NPHP4: variants seen among roughly 807,000 people sequenced by gnomAD.
NPHP4 encodes nephrocystin 4.
In NPHP4, 151 loss-of-function variants were observed where a neutral mutation model predicts 155.8. That is an observed-to-expected ratio of 0.97 (90% CI 0.85 to 1.11). NPHP4 has a LOEUF of 1.11. Among genes scored for constraint, NPHP4 ranks in the 50% least tolerant of loss-of-function variants. The pLI, the probability that NPHP4 is intolerant of heterozygous loss-of-function variation, is 0.00. For synonymous variants in NPHP4, 845 were observed against 816.8 expected (o/e 1.03, Z -0.59); for missense variants, 1,956 against 1,925.7 (o/e 1.02, Z -0.29).
At chr1:5,865,557 TCAAA>T in intron 26 of NPHP4, 1 of 369,076 alleles carries the variant, frequency 2.7e-6, no homozygotes, top group Non-Finnish European at 4.9e-6. Context: ...GAACCACATG[TCAAA>T]CAAATGACAA....
intron 11 of NPHP4, among the ~76,000 whole-genome samples, chr1:5,909,571 G>A (rs552345136): frequency 1.3e-5 from 2 of 152,298 alleles, no homozygotes; most frequent in South Asian, 2.1e-4. Context: ...TGGGGTCTGA[G>A]GTTGCCCCAG....
At chr1:5,891,139 A>T (rs1644104736) in intron 16 of NPHP4, 111 bp from the exon 17 acceptor site, 1 of 660,238 alleles carries the variant, frequency 1.5e-6, no homozygotes, top group African/African-American at 1.8e-5. Context: ...CTTCTGTCAT[A>T]GCTACAGTTA....
chr1:5,951,534 C>A (rs1022334378), intron 7 of NPHP4, among the ~76,000 whole-genome samples: 4 of 152,172 alleles, frequency 2.6e-5, no homozygotes, highest in Non-Finnish European at 5.9e-5. Flanking sequence ...ATCTGGTGAT[C>A]ATCAGCAAAG....
chr1:5,982,934 C>G (rs535089930), intron 2 of NPHP4, among the ~76,000 whole-genome samples: 2 of 152,290 alleles, frequency 1.3e-5, no homozygotes, highest in East Asian at 3.9e-4. Flanking sequence ...AATGGCCCAG[C>G]ATACGGTCTA....
intron 1 of NPHP4, among the ~76,000 whole-genome samples, 189 bp downstream of exon 1, chr1:5,992,055 G>A (rs1056986891): frequency 1.3e-5 from 2 of 152,118 alleles, no homozygotes; most frequent in Non-Finnish European, 2.9e-5. Context: ...GACTAACGCG[G>A]GGACAGCCCC....
At chr1:5,885,619 G>A (rs1394510356) in intron 18 of NPHP4, among the ~76,000 whole-genome samples, 1 of 152,260 alleles carries the variant, frequency 6.6e-6, no homozygotes, top group Non-Finnish European at 1.5e-5. Context: ...CCATGGCACA[G>A]GTTTCCTTGC....
chr1:5,984,584 CATTTTAAA>C (rs1368788690), intron 2 of NPHP4, among the ~76,000 whole-genome samples: 1 of 152,020 alleles, frequency 6.6e-6, no homozygotes, highest in Non-Finnish European at 1.5e-5. Context: ...GTACCATTTG[CATTTTAAA>C]AAGGAAAAAT....
intron 3 of NPHP4, among the ~76,000 whole-genome samples, chr1:5,977,567 G>GTTAGGTGAGCGCCA (rs1653843230): frequency 6.6e-6 from 1 of 151,776 alleles, no homozygotes; most frequent in African/African-American, 2.4e-5. Context: ...CTGCAGTTCT[G>GTTAGGTGAGCGCCA]TTAGGTGAGC....
intron 5 of NPHP4, among the ~76,000 whole-genome samples, chr1:5,962,946 A>T (rs1650631968): frequency 6.6e-6 from 1 of 152,190 alleles, no homozygotes; most frequent in Admixed American, 6.5e-5. Context: ...AGTGACAGGA[A>T]GTCCACCACA....
At position 5,969,068 on chromosome 1, in the gene NPHP4, G is replaced by T; in HGVS notation, c.452+19C>A. 3.4e-6 allele frequency: 5 copies of T among 1,486,100 alleles called. No individual in the cohort carries two copies. Among genetic ancestry groups the T allele is most frequent in the Non-Finnish European group, 4.6e-6 (5 of 1,090,296 alleles). 92.1% of individuals were successfully genotyped at this position (1,486,100 alleles called of 1,614,324 possible). A position where few individuals can be genotyped will look rare whatever the true frequency, so the allele number is the denominator to read the frequency against. On this transcript the variant is annotated intron_variant, in intron 4 of 29. Transcript: ENST00000378156. ...ACAGACGCTGGAAAACCCCAGGGTT[G>T]TAGAAACAAGGCAGGTACCTTTTGT...
rs776086986 is a variant in NPHP4 at position 5,864,391 on chromosome 1, G to A, written c.3943C>T (p.Leu1315=). 1.2e-6 allele frequency: 2 copies of A among 1,611,608 alleles called. No homozygotes were observed. The highest frequency in any genetic ancestry group is 1.7e-6 in the Non-Finnish European group (2 of 1,179,162). ...AGGCACACGAGCCAGGAGGCCACCA[G>A]CTGGTGGCAATCCACGTCCACCAGG... ...LNLVDVDCHQ[L]VASWLVCLCC... The change falls in exon 28 of 30, where the codon CTG becomes TTG. Residue 1315 remains leucine, a synonymous_variant. Coordinates refer to ENST00000378156, the MANE Select transcript of NPHP4 (RefSeq NM_015102.5).
intron 23 of NPHP4, chr1:5,868,377 G>C (rs556381525): frequency 7.9e-6 from 2 of 251,592 alleles, no homozygotes; most frequent in African/African-American, 4.5e-5. Flanking sequence ...TAAACCAAAG[G>C]GGTTAGAAAT....
At chr1:5,928,334 C>T (rs1371420588) in intron 10 of NPHP4, among the ~76,000 whole-genome samples, 1 of 152,216 alleles carries the variant, frequency 6.6e-6, no homozygotes, top group Admixed American at 6.5e-5. Context: ...TTGAGACCAG[C>T]TTCTTTCATT....
chr1:5,894,140 G>A (rs1274881249), intron 16 of NPHP4, among the ~76,000 whole-genome samples: 1 of 152,070 alleles, frequency 6.6e-6, no homozygotes, highest in Non-Finnish European at 1.5e-5. Context: ...TCGTTCTCTT[G>A]CCTCAGCACC....
chr1:5,935,980 C>T (rs1646517679), intron 9 of NPHP4, among the ~76,000 whole-genome samples: 1 of 152,174 alleles, frequency 6.6e-6, no homozygotes. Flanking sequence ...TTATAAAATA[C>T]AGAAGTGTAT....
At chr1:5,928,163 T>A (rs186092887) in intron 10 of NPHP4, among the ~76,000 whole-genome samples, 3 of 151,924 alleles carry the variant, frequency 2.0e-5, no homozygotes, top group Non-Finnish European at 2.9e-5. Context: ...GCCAGCCCCA[T>A]CCCCCCAGGG....
Position 5,865,236 on chromosome 1 carries a change from C to T in NPHP4, c.3682G>A (p.Val1228Ile). The T allele has an allele frequency of 6.3e-7, 1 of 1,590,116 alleles. No homozygotes were observed. Among genetic ancestry groups the T allele is most frequent in the Non-Finnish European group, 8.6e-7 (1 of 1,163,646 alleles). ...ACGCGCTGCAGGGAGTGGAGGTAGA[C>T]CTGCCACGTCTGTGTGGGTGTCGCC... The part of the protein sequence containing the change: ...WLATPTQTWQ[V>I]YLHSLQRVDV... The change falls in exon 27 of 30, where the codon GTC becomes ATC. Residue 1228 changes from valine (V) to isoleucine (I), a missense_variant. Physicochemically the swap from Val to Ile is conservative, Grantham distance 29 (BLOSUM62 3). Transcript: ENST00000378156.
chr1:5,964,562 T>C (rs1025397931), intron 5 of NPHP4, among the ~76,000 whole-genome samples: 1 of 152,208 alleles, frequency 6.6e-6, no homozygotes, highest in East Asian at 1.9e-4. Context: ...TCTGCGTCAA[T>C]GTGCCTGGAG....
chr1:5,952,953 C>T (rs1478370451), intron 6 of NPHP4, 117 bp from the exon 7 acceptor site: 3 of 896,538 alleles, frequency 3.3e-6, no homozygotes, highest in Admixed American at 2.6e-5. Context: ...GAAGGGTGCT[C>T]GGGACTCCCA....
Sources: gnomAD v4.1 joint callset for allele counts (sites outside exome capture counted in the v4.1 genomes callset) on GRCh38, gnomAD v4.1.1 for gene constraint, MANE v1.5 for transcripts, NCBI Gene and HGNC (gene_info 2026-07-23, HGNC 2026-07-21) for gene names.